The following CDH12 variants were observed in gnomAD, a reference collection of about 807,000 sequenced individuals.
The protein encoded by CDH12 is cadherin-12.
Under a neutral mutation model 74.1 loss-of-function variants are expected in CDH12, and 41 were observed. The ratio of observed to expected loss-of-function variants is 0.55; its 90% CI spans 0.43 to 0.72. CDH12 has a LOEUF of 0.72. CDH12 is among the 30% of genes least tolerant of loss of function. The probability of loss-of-function intolerance (pLI) is 0.00; values close to 1 mark genes in which losing one functional copy is unlikely to be tolerated. For synonymous variants in CDH12, 399 were observed against 355.0 expected, an observed-to-expected ratio of 1.12 and a Z score of -1.39; for missense variants, 945 against 977.2, an observed-to-expected ratio of 0.97 and a Z score of 0.44.
rs959573310 is a variant in CDH12, at chr5:22,343,391, G to T, written c.-333+61866C>A. On this transcript the variant is annotated intron_variant, in intron 3 of 14. Transcript: ENST00000382254. ...CACAGACTAAAAGCTGTTCAAAGGAGAAAAGAAGTTGCTTTTTTCATTCTG... is the reference window on the plus strand; with the variant it reads ...CACAGACTAAAAGCTGTTCAAAGGATAAAAGAAGTTGCTTTTTTCATTCTG... Among the ~76,000 whole-genome samples the T allele has an allele frequency of 3.2e-4, 48 of 150,164 alleles. 1 individual carries two copies. Among genetic ancestry groups the T allele is most frequent in the Non-Finnish European group, 6.0e-4 (41 of 67,788 alleles).
intron 3 of CDH12, among the ~76,000 whole-genome samples, chr5:22,336,727 C>A (rs559943766): frequency 5.3e-5 from 8 of 152,348 alleles, no homozygotes; most frequent in Non-Finnish European, 1.0e-4. Flanking sequence ...GATGCCCAGG[C>A]AGAAGTTTGC....
intron 1 of CDH12, among the ~76,000 whole-genome samples, chr5:22,826,628 C>T (rs928775512): frequency 6.6e-6 from 1 of 152,100 alleles, no homozygotes; most frequent in East Asian, 1.9e-4. Context: ...AAGGTCCAGG[C>T]TAAGGTGGTC....
intron 2 of CDH12, among the ~76,000 whole-genome samples, chr5:22,417,172 A>C (rs555314434): frequency 2.6e-5 from 4 of 152,376 alleles, no homozygotes; most frequent in South Asian, 2.1e-4. Flanking sequence ...CATTTTAAGA[A>C]AAAATAAACA....
At chr5:22,353,757 T>G (rs1322036714) in intron 3 of CDH12, among the ~76,000 whole-genome samples, 1 of 152,240 alleles carries the variant, frequency 6.6e-6, no homozygotes, top group East Asian at 1.9e-4. Flanking sequence ...ATCTCAATTT[T>G]TGATTTTTTT....
At chr5:22,837,745 A>G (rs537461662) in intron 1 of CDH12, among the ~76,000 whole-genome samples, 134 of 152,340 alleles carry the variant, frequency 8.8e-4, no homozygotes, top group African/African-American at 3.0e-3. Context: ...TAATTAGATA[A>G]TAAACATTAA....
In CDH12 at chr5:22,140,977, C is replaced by A. The variant is rs564687520; in HGVS notation, c.-186-62115G>T. Among the ~76,000 whole-genome samples, 9 of 152,322 alleles carry A rather than the reference C, an allele frequency of 5.9e-5. No individual in the cohort carries two copies. In the South Asian group the frequency reaches 1.9e-3, roughly 32 times the overall value. On this transcript the variant is annotated intron_variant, in intron 4 of 14. Transcript: ENST00000382254. ...AAATCACAAAGCTTCCTTATGTAGG[C>A]CTTCTTTATCAACTCAGATTAAATT...
intron 2 of CDH12, among the ~76,000 whole-genome samples, chr5:22,465,703 T>G (rs1292566355): frequency 6.6e-6 from 1 of 152,042 alleles, no homozygotes; most frequent in Admixed American, 6.6e-5. Flanking sequence ...CTTGACGTAT[T>G]TCTCCCATAA....
At chr5:22,597,155 C>T (rs983347768) in intron 1 of CDH12, among the ~76,000 whole-genome samples, 5 of 152,106 alleles carry the variant, frequency 3.3e-5, no homozygotes, top group Admixed American at 6.6e-5. Context: ...CTTACATATC[C>T]AGCAACCAAA....
chr5:22,813,732 CA>C (rs1308588095), intron 1 of CDH12, among the ~76,000 whole-genome samples: 5 of 151,868 alleles, frequency 3.3e-5, no homozygotes, highest in African/African-American at 4.8e-5. Flanking sequence ...TGCTCAACTG[CA>C]AAAAAACTAA....
intron 4 of CDH12, among the ~76,000 whole-genome samples, chr5:22,117,148 A>G (rs909659119): frequency 6.6e-6 from 1 of 151,158 alleles, no homozygotes; most frequent in African/African-American, 2.4e-5. Context: ...GCAGTACACA[A>G]TGAAAGGTAA....
chr5:21,889,385 C>T (rs1025879646), intron 6 of CDH12, among the ~76,000 whole-genome samples: 5 of 152,068 alleles, frequency 3.3e-5, no homozygotes, highest in African/African-American at 1.2e-4. Context: ...TCAGGAGGCC[C>T]CCTAGTCTGT....
chr5:22,086,995 T>G (rs886533382), intron 4 of CDH12, among the ~76,000 whole-genome samples: 2 of 152,164 alleles, frequency 1.3e-5, no homozygotes, highest in Non-Finnish European at 2.9e-5. Context: ...AGAGATGTCC[T>G]ATAAAATGCC....
chr5:22,556,151 T>C (rs1738794778), intron 1 of CDH12, among the ~76,000 whole-genome samples: 1 of 151,952 alleles, frequency 6.6e-6, no homozygotes, highest in South Asian at 2.1e-4. Context: ...CAGTGAAAGA[T>C]GCAATAGATA....
intron 5 of CDH12, among the ~76,000 whole-genome samples, chr5:22,058,355 C>T (rs540097682): frequency 6.6e-6 from 1 of 152,126 alleles, no homozygotes; most frequent in Non-Finnish European, 1.5e-5. Flanking sequence ...CTGCACCCAG[C>T]CTTCTATTTA....
At chr5:22,624,809 G>C (rs541885334) in intron 1 of CDH12, among the ~76,000 whole-genome samples, 3 of 152,064 alleles carry the variant, frequency 2.0e-5, no homozygotes, top group African/African-American at 7.2e-5. Context: ...TCCATTACTG[G>C]GTATATACCC....
intron 10 of CDH12, among the ~76,000 whole-genome samples, chr5:21,791,478 T>C (rs745911351): frequency 1.3e-5 from 2 of 151,938 alleles, no homozygotes; most frequent in Non-Finnish European, 2.9e-5. Flanking sequence ...TTGCAACTAA[T>C]CACAACAGTA....
chr5:22,339,684 T>C (rs1739759631), intron 3 of CDH12, among the ~76,000 whole-genome samples: 1 of 152,224 alleles, frequency 6.6e-6, no homozygotes, highest in Non-Finnish European at 1.5e-5. Flanking sequence ...TCATTTTTAC[T>C]AGCTTTTTGA....
intron 3 of CDH12, among the ~76,000 whole-genome samples, chr5:22,289,900 G>T (rs943062924): frequency 6.6e-6 from 1 of 152,048 alleles, no homozygotes; most frequent in Admixed American, 6.6e-5. Flanking sequence ...AGAGTCCCAG[G>T]CTTCAGGTAT....
intron 3 of CDH12, among the ~76,000 whole-genome samples, chr5:22,292,086 C>T (rs910237657): frequency 6.6e-6 from 1 of 152,020 alleles, no homozygotes; most frequent in African/African-American, 2.4e-5. Flanking sequence ...AACAAAGAAG[C>T]CAATAATACA....
Sources: allele counts gnomAD v4.1 joint callset (sites outside exome capture counted in the v4.1 genomes callset), GRCh38; gene constraint gnomAD v4.1.1; transcripts MANE v1.5; gene names NCBI Gene and HGNC (gene_info 2026-07-23, HGNC 2026-07-21).